Variants in TLN1 observed in about 807,000 individuals in gnomAD.
The protein encoded by TLN1 is talin-1.
TLN1 carries 56 observed loss-of-function variants against 292.3 expected under a neutral mutation model. That is an observed-to-expected ratio of 0.19 (90% CI 0.15 to 0.24). The LOEUF (loss-of-function observed/expected upper bound fraction) is 0.24, where lower values mean the gene tolerates loss of function less well. Among genes scored for constraint, TLN1 ranks in the 10% least tolerant of loss-of-function variants. The probability of loss-of-function intolerance (pLI) is 1.00; values close to 1 mark genes in which losing one functional copy is unlikely to be tolerated. For synonymous variants in TLN1, 1,119 were observed against 1,253.7 expected (o/e 0.89, Z 2.27); for missense variants, 2,433 against 3,248.2 (o/e 0.75, Z 6.10).
chr9:35,719,142 G>GCAA lies in TLN1; in HGVS notation c.1825_1827dup (p.Leu609dup). The GCAA allele has an allele frequency of 6.2e-7, 1 of 1,614,166 alleles. No individual in the cohort carries two copies. Among genetic ancestry groups the GCAA allele is most frequent in the Non-Finnish European group, 8.5e-7 (1 of 1,180,038 alleles). On this transcript the variant is annotated inframe_insertion, in exon 16 of 57. Transcript: ENST00000314888. This position sits in a 1 kb window ranked among gnomAD's most constrained non-coding sequence, Gnocchi z 4.6. ...GCTCCCGCAAGGCCCTTTGCTGCCT[G>GCAA]CAACAGGGGCCGACCACTGCCGCCT...
chr9:35,713,905 A>C (rs530260906), intron 25 of TLN1, 48 bp downstream of exon 25: 1 of 1,610,576 alleles, frequency 6.2e-7, no homozygotes, highest in East Asian at 2.2e-5. Flanking sequence ...ACGGAGGTGA[A>C]GGAAGACTTT....
chr9:35,701,150 T>G (rs1053175591), intron 48 of TLN1, among the ~76,000 whole-genome samples: 1 of 152,110 alleles, frequency 6.6e-6, no homozygotes, highest in Non-Finnish European at 1.5e-5. Flanking sequence ...TGGAAGAGCC[T>G]GCAGCAGATA....
At chr9:35,700,485 T>C (rs1825446958) in intron 48 of TLN1, 109 bp from the exon 49 acceptor site, 1 of 1,174,906 alleles carries the variant, frequency 8.5e-7, no homozygotes, top group Admixed American at 2.6e-5. Context: ...TCACAGTGAA[T>C]GTAACAAGGC....
intron 48 of TLN1, 29 bp downstream of exon 48, chr9:35,703,531 A>T: frequency 4.4e-6 from 7 of 1,590,598 alleles, no homozygotes; most frequent in Non-Finnish European, 6.0e-6. Flanking sequence ...CTCTGACCCT[A>T]GTCACTGATG....
In TLN1 at chr9:35,704,699, G is replaced by A; in HGVS notation, c.5850C>T (p.Leu1950=). 6.2e-7 allele frequency: 1 copy of A among 1,614,140 alleles called. No individual in the cohort carries two copies. The highest frequency in any genetic ancestry group is 8.5e-7 in the Non-Finnish European group (1 of 1,180,032). The change falls in exon 44 of 57, where the codon CTC becomes CTT. Residue 1950 remains leucine, a synonymous_variant. Transcript: ENST00000314888. The surrounding 1 kb of genome is among the most constrained non-coding windows in gnomAD (Gnocchi z 6.9). Reference sequence around the variant, plus strand: ...CAGAGACTCTCCGGGCACACTCTATGAGCTCCTTCTTGGTGTAGGCATCAC... The same window carrying A: ...CAGAGACTCTCCGGGCACACTCTATAAGCTCCTTCTTGGTGTAGGCATCAC... ...SPSDAYTKKE[L]IECARRVSEK...
chr9:35,719,452 A>G lies in TLN1; in HGVS notation c.1687+67T>C. The G allele has an allele frequency of 1.4e-6, 2 of 1,450,138 alleles. No individual in the cohort carries two copies. Among genetic ancestry groups the G allele is most frequent in the South Asian group, 2.3e-5 (2 of 87,748 alleles). The allele number at this position is 1,450,138 out of a possible 1,614,324, so 89.8% of individuals were successfully genotyped here. A position where few individuals can be genotyped will look rare whatever the true frequency, so the allele number is the denominator to read the frequency against. ...CACAGTCACACATGAAGCCAGTCAC[A>G]TGCATGCCTGTGCACACTTGCACCC... On this transcript the variant is annotated intron_variant, in intron 15 of 56. Coordinates refer to ENST00000314888, the MANE Select transcript of TLN1 (RefSeq NM_006289.4). The surrounding 1 kb of genome is among the most constrained non-coding windows in gnomAD (Gnocchi z 4.6).
chr9:35,728,967 A>G (rs1826023664), intron 1 of TLN1, among the ~76,000 whole-genome samples: 1 of 152,218 alleles, frequency 6.6e-6, no homozygotes, highest in Non-Finnish European at 1.5e-5. Context: ...AGATCCCTTT[A>G]GGTCAGGGAA....
Position 35,697,849 on chromosome 9 carries a change from G to C in TLN1, c.7568C>G (p.Ala2523Gly), listed in dbSNP as rs902731014. 4 of 1,614,164 alleles carry C rather than the reference G, an allele frequency of 2.5e-6. No homozygotes were observed. In the Admixed American group the frequency reaches 6.7e-5, roughly 27 times the overall value. ...RELEEARKKLAQIRQQQYKFL... is the reference protein window; with the variant it reads ...RELEEARKKLGQIRQQQYKFL... ...CTTGTACTGCTGCTGCCGGATCTGG[G>C]CCAGTTTCTTCCGCGCCTCTTCCAG... Residue 2523 changes from alanine to glycine, a missense_variant, in exon 57 of 57, where the codon GCC (alanine) becomes GGC (glycine). Around this residue, in one of 7 missense-constraint regions of TLN1, gnomAD observed 141 missense variants for 248.5 expected, o/e 0.57. Transcript: ENST00000314888.
chr9:35,711,166 C>A, intron 30 of TLN1, 84 bp from the exon 31 acceptor site: 13 of 1,610,188 alleles, frequency 8.1e-6, no homozygotes, highest in Non-Finnish European at 1.1e-5. Context: ...TTGCCTATAA[C>A]CATTCCTAAG....
chr9:35,710,044 T>C (rs1825636142), intron 33 of TLN1, among the ~76,000 whole-genome samples: 1 of 141,184 alleles, frequency 7.1e-6, no homozygotes, highest in African/African-American at 2.6e-5. Flanking sequence ...ACCCTGTCTT[T>C]ACTAAAAAAA....
chr9:35,704,018 G>C lies in TLN1; in HGVS notation c.6204C>G (p.Ser2068Arg). The change falls in exon 46 of 57, where the codon AGC (serine) becomes AGG (arginine). Residue 2068 changes from serine (S) to arginine (R), a missense_variant. Transcript: ENST00000314888. This position sits in a 1 kb window ranked among gnomAD's most constrained non-coding sequence, Gnocchi z 6.9. ...LADVVKLGAA[S>R]LGAEDPETQV... ...GGGTCTCAGGGTCCTCAGCTCCCAG[G>C]CTGGCTGCACCCAGCTTGACCACAT... 6.2e-7 allele frequency: 1 copy of C among 1,613,142 alleles called. No homozygotes were observed. The highest frequency in any genetic ancestry group is 8.5e-7 in the Non-Finnish European group (1 of 1,179,310).
rs1245521985 is a variant in TLN1 at position 35,700,011 on chromosome 9, G to C, written c.6731C>G (p.Ala2244Gly). Residue 2244 changes from alanine to glycine, a missense_variant, in exon 50 of 57, where the codon GCC becomes GGC. Transcript: ENST00000314888. ...LRALHYGREC[A>G]NGYLELLDHV... ...GTCCAGCAGTTCCAGGTAGCCATTGGCACACTCCCGGCCATAGTGCAGGGC... is the reference window on the plus strand; with the variant it reads ...GTCCAGCAGTTCCAGGTAGCCATTGCCACACTCCCGGCCATAGTGCAGGGC... 1 of 1,613,348 alleles carries C rather than the reference G, an allele frequency of 6.2e-7. No homozygotes were observed. The highest frequency in any genetic ancestry group is 8.5e-7 in the Non-Finnish European group (1 of 1,179,544).
Position 35,706,584 on chromosome 9 carries a change from G to T in TLN1, c.5089-33C>A. 2 of 1,608,080 alleles carry T rather than the reference G, an allele frequency of 1.2e-6. No individual in the cohort carries two copies. Among genetic ancestry groups the T allele is most frequent in the South Asian group, 1.1e-5 (1 of 90,876 alleles). On this transcript the variant is annotated intron_variant, in intron 38 of 56. Transcript: ENST00000314888. This position sits in a 1 kb window ranked among gnomAD's most constrained non-coding sequence, Gnocchi z 4.2. Reference sequence around the variant, plus strand: ...GGAAGTGGACATTAGCCCTGATGGTGACCTGCAATAGGACCCTCTGGCTAC... The same window carrying T: ...GGAAGTGGACATTAGCCCTGATGGTTACCTGCAATAGGACCCTCTGGCTAC...
Position 35,724,458 on chromosome 9 carries a change from G to A in TLN1, c.511+114C>T. On this transcript the variant is annotated intron_variant, in intron 5 of 56. Coordinates refer to ENST00000314888, the MANE Select transcript of TLN1 (RefSeq NM_006289.4). This position sits in a 1 kb window ranked among gnomAD's most constrained non-coding sequence, Gnocchi z 4.7. ...GTAAGTCCCATGAGTGTAGGACTTTGTTTTCTCACTGATGTATCCCCAGGG... is the reference window on the plus strand; with the variant it reads ...GTAAGTCCCATGAGTGTAGGACTTTATTTTCTCACTGATGTATCCCCAGGG... 2 of 1,558,078 alleles carry A rather than the reference G, an allele frequency of 1.3e-6. No individual in the cohort carries two copies. The highest frequency in any genetic ancestry group is 1.2e-5 in the South Asian group (1 of 84,612).
chr9:35,717,814 CTG>C lies in TLN1; in HGVS notation c.1996-30_1996-29del. 2.5e-6 allele frequency: 4 copies of C among 1,582,908 alleles called. No individual in the cohort carries two copies. The highest frequency in any genetic ancestry group is 3.5e-6 in the Non-Finnish European group (4 of 1,157,988). On this transcript the variant is annotated intron_variant, in intron 17 of 56. Transcript: ENST00000314888. The surrounding 1 kb of genome is among the most constrained non-coding windows in gnomAD (Gnocchi z 4.7). ...GTGAGAAAACAGCAGTTAGCATGAC[CTG>C]AGATTGGGCTTGGGATTCACAGACA...
At position 35,704,063 on chromosome 9, in the gene TLN1, C is replaced by T. The variant is rs147272206; in HGVS notation, c.6159G>A (p.Ala2053=). 46 of 1,613,718 alleles carry T rather than the reference C, an allele frequency of 2.9e-5. No individual in the cohort carries two copies. Among genetic ancestry groups the T allele is most frequent in the Non-Finnish European group, 3.6e-5 (43 of 1,179,932 alleles). ...CCACATCAGCGAGGCGGGTGATGGT[C>T]GCCACGGAGGACTGGGCAGCCTGCG... ...KLAQAAQSSV[A]TITRLADVVK... Residue 2053 remains alanine, a synonymous_variant, in exon 46 of 57, where the codon GCG becomes GCA. Transcript: ENST00000314888. The surrounding 1 kb of genome is among the most constrained non-coding windows in gnomAD (Gnocchi z 6.9).
intron 49 of TLN1, 33 bp from the exon 50 acceptor site, chr9:35,700,114 C>T (rs1563937834): frequency 6.3e-7 from 1 of 1,597,794 alleles, no homozygotes; most frequent in South Asian, 1.1e-5. Context: ...GCTTTAGGCC[C>T]CGCAGATCCC....
chr9:35,708,770 T>C (rs886434580), intron 33 of TLN1, among the ~76,000 whole-genome samples: 1 of 152,236 alleles, frequency 6.6e-6, no homozygotes, highest in Non-Finnish European at 1.5e-5. Flanking sequence ...TATTTAGATA[T>C]GTTTGTGTAT....
Position 35,707,543 on chromosome 9 carries a change from G to A in TLN1, c.4633-55C>T. Reference sequence around the variant, plus strand: ...TGGGATGCAGTCATAGGGGGTATAGGAAGTGAAGTCCAGGTCTCCTTCCTG... The same window carrying A: ...TGGGATGCAGTCATAGGGGGTATAGAAAGTGAAGTCCAGGTCTCCTTCCTG... On this transcript the variant is annotated intron_variant, in intron 35 of 56. Coordinates refer to ENST00000314888, the MANE Select transcript of TLN1 (RefSeq NM_006289.4). The surrounding 1 kb of genome is among the most constrained non-coding windows in gnomAD (Gnocchi z 5.6). 6.3e-7 allele frequency: 1 copy of A among 1,599,892 alleles called. No individual in the cohort carries two copies. Among genetic ancestry groups the A allele is most frequent in the Non-Finnish European group, 8.5e-7 (1 of 1,170,582 alleles).
Sources: gnomAD v4.1 joint callset for allele counts (sites outside exome capture counted in the v4.1 genomes callset) on GRCh38, gnomAD v4.1.1 for gene constraint, gnomAD v4.1.1 regional missense constraint, Gnocchi (gnomAD v3.1) non-coding constraint, MANE v1.5 for transcripts, NCBI Gene and HGNC (gene_info 2026-07-23, HGNC 2026-07-21) for gene names.